IFT140: variants seen among roughly 807,000 people sequenced by gnomAD.
IFT140 encodes intraflagellar transport protein 140 homolog.
In IFT140, 133 loss-of-function variants were observed where a neutral mutation model predicts 164.6. The observed-to-expected ratio is 0.81, with a 90% CI of 0.70 to 0.93. The LOEUF is 0.93. IFT140 is among the 40% of genes least tolerant of loss of function. The pLI is 0.00. For synonymous variants in IFT140, 860 were observed against 817.3 expected, an observed-to-expected ratio of 1.05 and a Z score of -0.89; for missense variants, 2,045 against 1,972.3, an observed-to-expected ratio of 1.04 and a Z score of -0.70.
At chr16:1,574,470 G>A (rs937846546) in intron 13 of IFT140, among the ~76,000 whole-genome samples, 5 of 151,822 alleles carry the variant, frequency 3.3e-5, no homozygotes, top group East Asian at 1.9e-4. Flanking sequence ...TTGCAGAGAC[G>A]AGGTCTCACT....
At chr16:1,558,667 A>C in intron 18 of IFT140, among the ~76,000 whole-genome samples, 1 of 152,192 alleles carries the variant, frequency 6.6e-6, no homozygotes, top group East Asian at 1.9e-4. Context: ...GAGCCCCTCC[A>C]ACTGCTTGCC....
chr16:1,599,875 A>T (rs1432590744), intron 4 of IFT140, among the ~76,000 whole-genome samples: 1 of 99,662 alleles, frequency 1.0e-5, no homozygotes, highest in Non-Finnish European at 1.9e-5. Flanking sequence ...CCGGGAGGTG[A>T]GGGGCGCCTC....
At chr16:1,522,559 G>A (rs1360212761) in intron 26 of IFT140, among the ~76,000 whole-genome samples, 4 of 151,842 alleles carry the variant, frequency 2.6e-5, no homozygotes, top group African/African-American at 4.8e-5. Context: ...AGAATATGTC[G>A]GCCAAGCATG....
intron 7 of IFT140, 88 bp from the exon 8 acceptor site, chr16:1,588,112 T>G: frequency 9.8e-7 from 1 of 1,022,356 alleles, no homozygotes; most frequent in Non-Finnish European, 1.5e-6. Flanking sequence ...TGGTCCTCAG[T>G]GACTTCATGG....
At position 1,525,303 on chromosome 16, in the gene IFT140, C is replaced by G; in HGVS notation, c.2792G>C (p.Arg931Pro). The G allele has an allele frequency of 1.9e-6, 3 of 1,612,236 alleles. No homozygotes were observed. The highest frequency in any genetic ancestry group is 2.5e-6 in the Non-Finnish European group (3 of 1,179,664). The change falls in exon 22 of 31, where the codon CGC (arginine) becomes CCC (proline). Residue 931 changes from arginine to proline, a missense_variant. By Grantham distance (103) the Arg-to-Pro change is moderately radical (BLOSUM62 -2). Transcript: ENST00000426508. ...CGACAGCATCCTGGGCACCTCGAAG[C>G]GGTGCGTGTCCGACTTCTCGTAGCT... ...LSYYEKSDTH[R>P]FEVPRMLSED...
Position 1,592,456 on chromosome 16 carries a change from C to A in IFT140, c.491+11G>T. On this transcript the variant is annotated intron_variant, in intron 5 of 30. Transcript: ENST00000426508. ...CACACACACAGGTCACAGGGCAAGC[C>A]CCACACTTACTCGCCAGGAGGGGGG... The A allele has an allele frequency of 6.2e-7, 1 of 1,613,742 alleles. No individual in the cohort carries two copies. The highest frequency in any genetic ancestry group is 8.5e-7 in the Non-Finnish European group (1 of 1,179,784).
intron 13 of IFT140, among the ~76,000 whole-genome samples, chr16:1,578,913 T>A (rs1295623260): frequency 6.6e-6 from 1 of 152,142 alleles, no homozygotes; most frequent in African/African-American, 2.4e-5. Context: ...GGTCTCAATA[T>A]GCGGCCCAGG....
rs989086620 is a variant in IFT140 at position 1,531,333 on chromosome 16, C to T, written c.2400-4537G>A. The T allele has an allele frequency of 6.6e-6, 1 of 152,230 alleles. No homozygotes were observed. The highest frequency in any genetic ancestry group is 1.5e-5 in the Non-Finnish European group (1 of 68,064). The allele number at this position is 152,230 out of a possible 1,614,324, so 9.4% of individuals were successfully genotyped here. ...AGCCTTCAAAGGTCCTGCAGAAGCT[C>T]TGCCGAGACCACTCTGTGTCAGGAT... On this transcript the variant is annotated intron_variant, in intron 19 of 30. Coordinates refer to ENST00000426508, the MANE Select transcript of IFT140 (RefSeq NM_014714.4). This position sits in a 1 kb window ranked among gnomAD's most constrained non-coding sequence, Gnocchi z 4.7.
In IFT140 at chr16:1,541,409, ACAC is replaced by A; in HGVS notation, c.2400-14616_2400-14614del. 6.1e-6 allele frequency: 6 copies of A among 985,222 alleles called. No individual in the cohort carries two copies. In the African/African-American group the frequency reaches 8.7e-5, roughly 14 times the overall value. The allele number at this position is 985,222 out of a possible 1,614,324, so 61.0% of individuals were successfully genotyped here. ...GTCCCTCAGCTGCTGGGAGGAGGGA[ACAC>A]CACCATGAGCCGCTTGGGGGTCGGG... On this transcript the variant is annotated intron_variant, in intron 19 of 30. Coordinates refer to ENST00000426508, the MANE Select transcript of IFT140 (RefSeq NM_014714.4).
Position 1,592,580 on chromosome 16 carries a change from G to T in IFT140, c.378C>A (p.Val126=). Residue 126 remains valine (V), a synonymous_variant, in exon 5 of 31, where the codon GTC becomes GTA. Transcript: ENST00000426508. ...TTTGGTCCAACCTCCACAAGAGCAA[G>T]ACACCAAGCTGGAAAGACCCAACAC... The part of the protein sequence containing the change: ...NCLLSGDRLG[V]LLLWRLDQRG... 1 of 1,614,114 alleles carries T rather than the reference G, an allele frequency of 6.2e-7. No individual in the cohort carries two copies. The highest frequency in any genetic ancestry group is 8.5e-7 in the Non-Finnish European group (1 of 1,179,964).
At chr16:1,511,456 C>T (rs139234724) in intron 30 of IFT140, among the ~76,000 whole-genome samples, 2,362 of 152,348 alleles carry the variant, frequency 0.016, 27 homozygotes, top group Non-Finnish European at 0.024. Flanking sequence ...GGCCTGCTCA[C>T]CGTGCGTGTG....
In IFT140 at chr16:1,525,906, A is replaced by G. The variant is rs1164371595; in HGVS notation, c.2749T>C (p.Cys917Arg). The change falls in exon 21 of 31, where the codon TGC (cysteine) becomes CGC (arginine). Residue 917 changes from cysteine to arginine, a missense_variant. Transcript: ENST00000426508. ...YAGHLEASADCSRALSYYEKS... is the reference protein window; with the variant it reads ...YAGHLEASADRSRALSYYEKS... Reference sequence around the variant, plus strand: ...ACTCACTAACTGAGGGCCCGGCTGCAGTCGGCGCTGGCCTCCAGGTGCCCG... The same window carrying G: ...ACTCACTAACTGAGGGCCCGGCTGCGGTCGGCGCTGGCCTCCAGGTGCCCG... 6.4e-7 allele frequency: 1 copy of G among 1,553,720 alleles called. No homozygotes were observed. Among genetic ancestry groups the G allele is most frequent in the South Asian group, 1.2e-5 (1 of 84,654 alleles).
In IFT140 at chr16:1,520,014, C is replaced by A; in HGVS notation, c.3907G>T (p.Ala1303Ser). The change falls in exon 29 of 31, where the codon GCC (alanine) becomes TCC (serine). Residue 1303 changes from alanine (A) to serine (S), a missense_variant. Transcript: ENST00000426508. ...EIDEYQNYDK[A>S]HGALTEAYKC... The stretch of plus-strand genomic sequence containing the variant: ...TAGGCCTCGGTCAGCGCCCCGTGGG[C>A]TTTGTCGTAGTTCTGGTATTCATCA... The A allele has an allele frequency of 6.2e-7, 1 of 1,601,786 alleles. No individual in the cohort carries two copies. Among genetic ancestry groups the A allele is most frequent in the Non-Finnish European group, 8.5e-7 (1 of 1,174,376 alleles).
chr16:1,571,480 A>C lies in IFT140; in HGVS notation c.1579T>G (p.Leu527Val). ...ACCAGGAAATTCCCACAGATGTCCA[A>C]GAAGCAGGGATTCCCCTCAGTCTCC... ...FSETEGNPCFLDICGNFLVVG... is the reference protein window; with the variant it reads ...FSETEGNPCFVDICGNFLVVG... The change falls in exon 14 of 31, where the codon TTG becomes GTG. Residue 527 changes from leucine (L) to valine (V), a missense_variant. By Grantham distance (32) the Leu-to-Val change is conservative (BLOSUM62 1). Coordinates refer to ENST00000426508, the MANE Select transcript of IFT140 (RefSeq NM_014714.4). The C allele has an allele frequency of 1.9e-6, 3 of 1,614,166 alleles. No homozygotes were observed. Among genetic ancestry groups the C allele is most frequent in the Non-Finnish European group, 2.5e-6 (3 of 1,179,964 alleles).
At chr16:1,540,760 T>C in intron 19 of IFT140, 5 of 892,176 alleles carry the variant, frequency 5.6e-6, no homozygotes, top group Non-Finnish European at 6.7e-6. Flanking sequence ...TCAAGGCAAG[T>C]CATTTAAAAA....
chr16:1,512,732 G>A (rs1030584447), intron 30 of IFT140, among the ~76,000 whole-genome samples: 4 of 152,200 alleles, frequency 2.6e-5, no homozygotes, highest in African/African-American at 7.2e-5. Context: ...TGAGGCTGCA[G>A]GGAGCTGTGA....
intron 4 of IFT140, among the ~76,000 whole-genome samples, chr16:1,596,938 G>T (rs1162791217): frequency 6.6e-6 from 1 of 152,086 alleles, no homozygotes; most frequent in Admixed American, 6.5e-5. Flanking sequence ...TATACAGTAA[G>T]ACCGTAAAGA....
chr16:1,534,618 G>T (rs368186281), intron 19 of IFT140: 1 of 1,591,420 alleles, frequency 6.3e-7, no homozygotes, highest in African/African-American at 1.3e-5. Context: ...CATGGGAGAT[G>T]TTAGGCGCGG....
Position 1,566,203 on chromosome 16 carries a change from T to A in IFT140, c.1859A>T (p.Asp620Val), listed in dbSNP as rs776705833. 3.7e-6 allele frequency: 6 copies of A among 1,613,880 alleles called. No individual in the cohort carries two copies. In the South Asian group the frequency reaches 6.6e-5, roughly 18 times the overall value. Residue 620 changes from aspartate to valine, a missense_variant, in exon 16 of 31, where the codon GAT becomes GTT. By Grantham distance (152) the Asp-to-Val change is radical (BLOSUM62 -3). Transcript: ENST00000426508. ...ATTAAAGGACAGCGTCTCTCTCCGA[T>A]CAATTTGTCCAGTCTTGAAGTCAAA... ...TVFDFKTGQI[D>V]RRETLSFNEQ... is the part of the protein sequence containing the mutation.
Sources: allele counts gnomAD v4.1 joint callset (sites outside exome capture counted in the v4.1 genomes callset), GRCh38; gene constraint gnomAD v4.1.1; non-coding constraint Gnocchi (gnomAD v3.1); transcripts MANE v1.5; gene names NCBI Gene and HGNC (gene_info 2026-07-23, HGNC 2026-07-21).